The following DAP variants were observed in gnomAD, a reference collection of about 807,000 sequenced individuals.
The protein encoded by DAP is death-associated protein 1.
In DAP, 8 loss-of-function variants were observed where a neutral mutation model predicts 13.8. The ratio of observed to expected loss-of-function variants is 0.58; its 90% CI spans 0.34 to 1.05. The LOEUF is 1.05. Among genes scored for constraint, DAP ranks in the 50% least tolerant of loss-of-function variants. The pLI is 0.03. For missense variants in DAP, 106 were observed against 133.2 expected, an observed-to-expected ratio of 0.80 and a Z score of 1.01; for synonymous variants, 47 against 47.5, an observed-to-expected ratio of 0.99 and a Z score of 0.04.
chr5:10,730,685 A>C (rs1255808393), intron 2 of DAP, among the ~76,000 whole-genome samples: 1 of 109,088 alleles, frequency 9.2e-6, no homozygotes, highest in Non-Finnish European at 1.8e-5. Context: ...GTGGGGGGGA[A>C]TCTTTCTCTA....
chr5:10,714,342 AAT>A (rs1442963387), intron 2 of DAP, among the ~76,000 whole-genome samples: 1 of 152,186 alleles, frequency 6.6e-6, no homozygotes, highest in Non-Finnish European at 1.5e-5. Flanking sequence ...CACAGATATT[AAT>A]AGTTTTATAT....
chr5:10,713,210 G>C (rs944654909), intron 2 of DAP, among the ~76,000 whole-genome samples: 1 of 152,168 alleles, frequency 6.6e-6, no homozygotes, highest in African/African-American at 2.4e-5. Context: ...GGGGAAACTG[G>C]AATCTCAGCA....
At chr5:10,739,389 G>A (rs1739699844) in intron 2 of DAP, among the ~76,000 whole-genome samples, 1 of 151,476 alleles carries the variant, frequency 6.6e-6, no homozygotes, top group Non-Finnish European at 1.5e-5. Flanking sequence ...CACCACAGAT[G>A]TAATAACAGC....
intron 2 of DAP, among the ~76,000 whole-genome samples, chr5:10,704,026 G>A (rs1029557178): frequency 1.3e-5 from 2 of 152,196 alleles, no homozygotes; most frequent in Non-Finnish European, 2.9e-5. Flanking sequence ...GGAACAGGGC[G>A]TCCTGCCTGT....
intron 2 of DAP, among the ~76,000 whole-genome samples, chr5:10,730,558 T>C (rs1739424580): frequency 6.7e-6 from 1 of 148,612 alleles, no homozygotes; most frequent in Non-Finnish European, 1.5e-5. Flanking sequence ...GGGGAATCTT[T>C]CTGTACTGAG....
chr5:10,695,270 G>A (rs1275274595), intron 2 of DAP, among the ~76,000 whole-genome samples: 7 of 152,146 alleles, frequency 4.6e-5, no homozygotes, highest in Admixed American at 1.3e-4. Context: ...CGAACGCTCC[G>A]GCCAGCTCAG....
intron 1 of DAP, among the ~76,000 whole-genome samples, chr5:10,748,513 C>G (rs1028526310): frequency 6.6e-6 from 1 of 152,226 alleles, no homozygotes; most frequent in Non-Finnish European, 1.5e-5. Context: ...GTTTTTCTAT[C>G]TGGTCACCTT....
At chr5:10,735,745 G>A (rs192142103) in intron 2 of DAP, among the ~76,000 whole-genome samples, 2 of 152,328 alleles carry the variant, frequency 1.3e-5, no homozygotes, top group Admixed American at 1.3e-4. Context: ...TAGGGGAAGA[G>A]AGAATCATTT....
intron 1 of DAP, among the ~76,000 whole-genome samples, chr5:10,751,833 C>G (rs1171111443): frequency 1.3e-5 from 2 of 152,196 alleles, no homozygotes; most frequent in African/African-American, 2.4e-5. Context: ...CAGGAGAAAG[C>G]AGAGCTGCCA....
chr5:10,695,939 T>C (rs1445274570), intron 2 of DAP, among the ~76,000 whole-genome samples: 1 of 151,910 alleles, frequency 6.6e-6, no homozygotes. Flanking sequence ...GGCTCATCAG[T>C]AGATGACGTG....
intron 2 of DAP, among the ~76,000 whole-genome samples, chr5:10,688,840 A>T (rs1012434932): frequency 6.6e-6 from 1 of 152,212 alleles, no homozygotes; most frequent in African/African-American, 2.4e-5. Flanking sequence ...GCCAGCCTGG[A>T]GAGGCCTCCA....
intron 2 of DAP, among the ~76,000 whole-genome samples, chr5:10,730,616 G>A (rs1252344628): frequency 7.3e-6 from 1 of 137,422 alleles, no homozygotes; most frequent in Non-Finnish European, 1.5e-5. Context: ...CGGGTCGGGG[G>A]GAATCTTTCT....
chr5:10,760,941 C>T, intron 1 of DAP, 73 bp downstream of exon 1: 1 of 1,010,042 alleles, frequency 9.9e-7, no homozygotes, highest in Non-Finnish European at 1.3e-6. Context: ...CCCGCGGAGC[C>T]CCCGCCCGGC....
intron 2 of DAP, among the ~76,000 whole-genome samples, chr5:10,704,415 G>C (rs1738651757): frequency 1.3e-5 from 2 of 152,068 alleles, no homozygotes; most frequent in Non-Finnish European, 2.9e-5. Flanking sequence ...TTGCCTTGGA[G>C]ACATGGGCAC....
intron 2 of DAP, among the ~76,000 whole-genome samples, chr5:10,742,981 AGATAC>A (rs1739799174): frequency 6.6e-6 from 1 of 151,710 alleles, no homozygotes; most frequent in Non-Finnish European, 1.5e-5. Context: ...ATGTTCATAC[AGATAC>A]TTCTAGTTCC....
At chr5:10,721,882 G>C (rs915285898) in intron 2 of DAP, among the ~76,000 whole-genome samples, 3 of 152,108 alleles carry the variant, frequency 2.0e-5, no homozygotes, top group Non-Finnish European at 4.4e-5. Context: ...TATCTTTATT[G>C]TATTTCCTTT....
At chr5:10,697,059 G>T (rs938402220) in intron 2 of DAP, among the ~76,000 whole-genome samples, 3 of 152,282 alleles carry the variant, frequency 2.0e-5, no homozygotes, top group African/African-American at 7.2e-5. Flanking sequence ...AAAAAAAAGG[G>T]TGCATGTTTA....
At chr5:10,698,905 A>G (rs1416139831) in intron 2 of DAP, among the ~76,000 whole-genome samples, 1 of 152,218 alleles carries the variant, frequency 6.6e-6, no homozygotes, top group Non-Finnish European at 1.5e-5. Flanking sequence ...GTTCCCACCC[A>G]GGTTCCCAAT....
At chr5:10,716,372 C>T (rs1363702452) in intron 2 of DAP, among the ~76,000 whole-genome samples, 3 of 152,124 alleles carry the variant, frequency 2.0e-5, no homozygotes, top group Non-Finnish European at 4.4e-5. Flanking sequence ...CTCCCTCCAC[C>T]CCTATACTAA....
Sources: gnomAD v4.1 joint callset for allele counts (sites outside exome capture counted in the v4.1 genomes callset) on GRCh38, gnomAD v4.1.1 for gene constraint, MANE v1.5 for transcripts, NCBI Gene and HGNC (gene_info 2026-07-23, HGNC 2026-07-21) for gene names.